LMO7: variants seen among roughly 807,000 people sequenced by gnomAD.
The protein encoded by LMO7 is LIM domain 7.
LMO7 carries 120 observed loss-of-function variants against 206.5 expected under a neutral mutation model. That is an observed-to-expected ratio of 0.58 (90% CI 0.50 to 0.68). The LOEUF is 0.68. LMO7 is among the 30% of genes least tolerant of loss of function. The pLI is 0.00. For synonymous variants in LMO7, 706 were observed against 681.5 expected (o/e 1.04, Z -0.56); for missense variants, 1,959 against 1,957.9 (o/e 1.00, Z -0.01).
chr13:75,736,887 T>C (rs951189603), intron 3 of LMO7, among the ~76,000 whole-genome samples: 2 of 152,214 alleles, frequency 1.3e-5, no homozygotes, highest in African/African-American at 4.8e-5. Flanking sequence ...TAGTGACTGA[T>C]ACATATAGGA....
rs1175307154 is a variant in LMO7 at position 75,807,443 on chromosome 13, A to G, written c.1197-37A>G. The G allele has an allele frequency of 4.4e-6, 7 of 1,599,654 alleles. No homozygotes were observed. Among genetic ancestry groups the G allele is most frequent in the African/African-American group, 2.7e-5 (2 of 74,484 alleles). On this transcript the variant is annotated intron_variant, in intron 9 of 30. Coordinates refer to ENST00000377534, the MANE Select transcript of LMO7 (RefSeq NM_001306080.2). ...TAATTACCTTTTCTCCCTAAGCTTA[A>G]TAAGATTCTCTTTCCTTTTTCCTCT...
In LMO7 at chr13:75,692,460, A is replaced by G. The variant is rs572100840; in HGVS notation, c.70-20722A>G. On this transcript the variant is annotated intron_variant, in intron 1 of 30. Transcript: ENST00000377534. The stretch of plus-strand genomic sequence containing the variant: ...GAGTGCAGTGGCATGATCATAACTT[A>G]CTGCAGCCTTGAACTTCTGGACTCA... 3.3e-5 allele frequency among the ~76,000 whole-genome samples: 5 copies of G among 149,674 alleles called. No homozygotes were observed. The South Asian group carries it at 1.1e-3, about 31-fold the overall frequency.
intron 4 of LMO7, among the ~76,000 whole-genome samples, chr13:75,779,415 G>T (rs2050988310): frequency 6.6e-6 from 1 of 152,106 alleles, no homozygotes; most frequent in South Asian, 2.1e-4. Context: ...TGGGAACGTT[G>T]AAATTGATTG....
intron 4 of LMO7, among the ~76,000 whole-genome samples, chr13:75,768,754 C>T (rs2031242): frequency 6.6e-6 from 1 of 151,692 alleles, no homozygotes; most frequent in Non-Finnish European, 1.5e-5. Context: ...TTTTGTAGAG[C>T]TTAGGAATAT....
chr13:75,696,127 C>T (rs986640101), intron 1 of LMO7, among the ~76,000 whole-genome samples: 1 of 152,122 alleles, frequency 6.6e-6, no homozygotes, highest in African/African-American at 2.4e-5. Flanking sequence ...GAGGTCAAGG[C>T]GGGTGGATCA....
At chr13:75,757,840 G>A (rs1247406242) in intron 3 of LMO7, among the ~76,000 whole-genome samples, 3 of 103,820 alleles carry the variant, frequency 2.9e-5, no homozygotes, top group Admixed American at 1.9e-4. Context: ...GTGTGTGTGT[G>A]TATGTTGGTT....
chr13:75,829,775 G>A (rs1566564942), intron 15 of LMO7, among the ~76,000 whole-genome samples: 1 of 151,834 alleles, frequency 6.6e-6, no homozygotes, highest in African/African-American at 2.4e-5. Context: ...AAGTGTTACT[G>A]TTGGGACTCC....
intron 7 of LMO7, among the ~76,000 whole-genome samples, chr13:75,803,091 A>AT (rs1021636035): frequency 1.3e-5 from 2 of 152,152 alleles, no homozygotes; most frequent in African/African-American, 4.8e-5. Context: ...TAAATGTCTG[A>AT]TTTTTTAGAA....
At chr13:75,821,696 ATG>A in intron 14 of LMO7, 87 bp downstream of exon 14, 2 of 824,940 alleles carry the variant, frequency 2.4e-6, no homozygotes, top group Non-Finnish European at 3.9e-6. Context: ...CATCAACTTG[ATG>A]TGTAAACTGT....
At chr13:75,663,644 A>G (rs2038846421) in intron 1 of LMO7, among the ~76,000 whole-genome samples, 1 of 151,752 alleles carries the variant, frequency 6.6e-6, no homozygotes, top group Non-Finnish European at 1.5e-5. Context: ...GTTAGCCAGG[A>G]TGGTCTCGAT....
At chr13:75,635,618 A>G (rs1391478849), upstream of LMO7, among the ~76,000 whole-genome samples, 2 of 152,146 alleles carry the variant, frequency 1.3e-5, no homozygotes, top group African/African-American at 4.8e-5. Flanking sequence ...GAATGCAAGG[A>G]ACCCTCCAGC....
In LMO7 at chr13:75,706,596, C is replaced by T. The variant is rs1333267114; in HGVS notation, c.70-6586C>T. ...TATCTTCCTCTGTCTCTCACACCTA[C>T]ACCCATGCACACACACAGTCATTAT... On this transcript the variant is annotated intron_variant, in intron 1 of 30. Coordinates refer to ENST00000377534, the MANE Select transcript of LMO7 (RefSeq NM_001306080.2). 2.0e-5 allele frequency among the ~76,000 whole-genome samples: 3 copies of T among 152,158 alleles called. No individual in the cohort carries two copies. In the East Asian group the frequency reaches 5.8e-4, roughly 29 times the overall value.
intron 1 of LMO7, among the ~76,000 whole-genome samples, chr13:75,704,749 G>C (rs550556741): frequency 5.9e-4 from 90 of 152,276 alleles, no homozygotes; most frequent in African/African-American, 2.1e-3. Flanking sequence ...TGGATTATGC[G>C]ATCAGAACTG....
At chr13:75,635,406 G>GCGCAAGCCGACCCGTGTGCCTCC (rs1422050159), upstream of LMO7, among the ~76,000 whole-genome samples, 19 of 152,226 alleles carry the variant, frequency 1.2e-4, no homozygotes, top group East Asian at 3.7e-3. Flanking sequence ...AAAAAGACCC[G>GCGCAAGCCGACCCGTGTGCCTCC]CGCAAGCCGA....
chr13:75,817,776 T>C (rs1464007907), intron 12 of LMO7, among the ~76,000 whole-genome samples: 2 of 152,096 alleles, frequency 1.3e-5, no homozygotes, highest in African/African-American at 4.8e-5. Context: ...GCTGAAGAAG[T>C]CAATAATATG....
Position 75,853,475 on chromosome 13 carries a change from A to G in LMO7, c.4661+87A>G, listed in dbSNP as rs114762859. ...CCCCAAATCCTGTCCAAGTTTTCCA[A>G]TGAAGAAGAAAAAGAAGCCCTTTTG... On this transcript the variant is annotated intron_variant, in intron 28 of 30. Coordinates refer to ENST00000377534, the MANE Select transcript of LMO7 (RefSeq NM_001306080.2). 2,753 of 1,266,808 alleles carry G rather than the reference A, an allele frequency of 2.2e-3. 57 individuals carry two copies. The African/African-American group carries it at 0.038, about 18-fold the overall frequency. The allele number at this position is 1,266,808 out of a possible 1,614,324, so 78.5% of individuals were successfully genotyped here.
intron 1 of LMO7, among the ~76,000 whole-genome samples, chr13:75,651,732 A>C (rs1160586207): frequency 6.6e-6 from 1 of 152,196 alleles, no homozygotes; most frequent in East Asian, 1.9e-4. Context: ...TTGCGGTACA[A>C]GCTTATGATG....
intron 1 of LMO7, among the ~76,000 whole-genome samples, chr13:75,703,524 C>CCT (rs1234243582): frequency 6.6e-6 from 1 of 152,242 alleles, no homozygotes; most frequent in Admixed American, 6.5e-5. Flanking sequence ...CATGTGTAAA[C>CCT]CAGGGGTAAG....
At chr13:75,713,783 CA>C (rs2138135776) in intron 2 of LMO7, among the ~76,000 whole-genome samples, 1 of 152,198 alleles carries the variant, frequency 6.6e-6, no homozygotes, top group African/African-American at 2.4e-5. Context: ...ACTTTGCTTA[CA>C]AAGAAGTAAG....
Sources: gnomAD v4.1 joint callset for allele counts (sites outside exome capture counted in the v4.1 genomes callset) on GRCh38, gnomAD v4.1.1 for gene constraint, MANE v1.5 for transcripts, NCBI Gene and HGNC (gene_info 2026-07-23, HGNC 2026-07-21) for gene names.